The following AGBL3 variants were observed in gnomAD, a reference collection of about 807,000 sequenced individuals.
AGBL3 encodes AGBL carboxypeptidase 3.
Under a neutral mutation model 94.5 loss-of-function variants are expected in AGBL3, and 68 were observed. The ratio of observed to expected loss-of-function variants is 0.72; its 90% CI spans 0.59 to 0.88. The LOEUF (loss-of-function observed/expected upper bound fraction) is 0.88, where lower values mean the gene tolerates loss of function less well. Among genes scored for constraint, AGBL3 ranks in the 40% least tolerant of loss-of-function variants. The pLI is 0.00. For synonymous variants in AGBL3, 354 were observed against 370.7 expected (o/e 0.95, Z 0.52); for missense variants, 934 against 1,103.8 (o/e 0.85, Z 2.18).
intron 5 of AGBL3, among the ~76,000 whole-genome samples, chr7:135,026,014 G>T (rs1815051955): frequency 6.6e-6 from 1 of 151,476 alleles, no homozygotes; most frequent in Admixed American, 6.6e-5. Context: ...AGATGATTGA[G>T]ACAGAAAGCT....
rs548026172 is a variant in AGBL3, at chr7:135,034,177, C to G, written c.586C>G (p.Arg196Gly). The G allele has an allele frequency of 1.7e-5, 26 of 1,550,074 alleles. 1 individual carries two copies. The South Asian group carries it at 2.9e-4, about 17-fold the overall frequency. Reference sequence around the variant, plus strand: ...AGAATACGAATACCAATTGACTGTACGCCCTGACCTCTTCACAAATAAACA... The same window carrying G: ...AGAATACGAATACCAATTGACTGTAGGCCCTGACCTCTTCACAAATAAACA... Reference protein sequence around the residue: ...VAEYEYQLTVRPDLFTNKHTQ... With the variant: ...VAEYEYQLTVGPDLFTNKHTQ... The change falls in exon 7 of 17, where the codon CGC becomes GGC. Residue 196 changes from arginine to glycine, a missense_variant. Arg to Gly is a moderately radical substitution (Grantham distance 125). Transcript: ENST00000436302.
intron 4 of AGBL3, among the ~76,000 whole-genome samples, chr7:134,999,488 C>T (rs1811442687): frequency 6.6e-6 from 1 of 152,230 alleles, no homozygotes; most frequent in Non-Finnish European, 1.5e-5. Context: ...CTACACCTCT[C>T]CCATTTCCAT....
intron 16 of AGBL3, among the ~76,000 whole-genome samples, chr7:135,133,800 G>A (rs952716163): frequency 6.6e-6 from 1 of 152,026 alleles, no homozygotes; most frequent in African/African-American, 2.4e-5. Flanking sequence ...CTATTTATAA[G>A]AGCCATAAAC....
At chr7:135,023,943 C>T (rs1382322607) in intron 5 of AGBL3, among the ~76,000 whole-genome samples, 1 of 152,238 alleles carries the variant, frequency 6.6e-6, no homozygotes, top group African/African-American at 2.4e-5. Context: ...GATGGAGGCA[C>T]AGGCCAGTTA....
intron 3 of AGBL3, among the ~76,000 whole-genome samples, chr7:134,990,360 G>A (rs1810079782): frequency 6.6e-6 from 1 of 152,096 alleles, no homozygotes; most frequent in Admixed American, 6.5e-5. Context: ...CATACATTTT[G>A]TGTTTTCTGT....
intron 13 of AGBL3, among the ~76,000 whole-genome samples, chr7:135,078,514 TA>T (rs1358810802): frequency 6.7e-6 from 1 of 150,326 alleles, no homozygotes; most frequent in Non-Finnish European, 1.5e-5. Context: ...GATTTTTTTT[TA>T]ATGTATATAT....
intron 12 of AGBL3, among the ~76,000 whole-genome samples, chr7:135,061,203 T>C (rs1818812909): frequency 6.6e-6 from 1 of 152,156 alleles, no homozygotes; most frequent in Non-Finnish European, 1.5e-5. Flanking sequence ...TTTTGACAAG[T>C]ATCTATTCAG....
At chr7:135,097,150 T>C (rs1307697896) in intron 15 of AGBL3, among the ~76,000 whole-genome samples, 2 of 152,168 alleles carry the variant, frequency 1.3e-5, no homozygotes, top group Non-Finnish European at 2.9e-5. Context: ...GATTGCTTGA[T>C]GAAACAAAGT....
At chr7:135,003,661 T>A (rs1812009628) in intron 4 of AGBL3, among the ~76,000 whole-genome samples, 1 of 151,712 alleles carries the variant, frequency 6.6e-6, no homozygotes, top group Admixed American at 6.6e-5. Flanking sequence ...GTTTTAATTT[T>A]TTTTTTTCTG....
chr7:135,068,334 T>C (rs956809194), intron 12 of AGBL3, among the ~76,000 whole-genome samples: 1 of 152,002 alleles, frequency 6.6e-6, no homozygotes, highest in Non-Finnish European at 1.5e-5. Flanking sequence ...CAGGAGAACT[T>C]CCCCAATCTA....
intron 11 of AGBL3, among the ~76,000 whole-genome samples, chr7:135,058,949 G>T (rs1181252414): frequency 9.9e-5 from 15 of 152,092 alleles, no homozygotes; most frequent in Non-Finnish European, 1.5e-5. Flanking sequence ...CAGAGACAGG[G>T]TTTCACCATG....
At chr7:135,121,201 G>A (rs1413195844) in intron 16 of AGBL3, among the ~76,000 whole-genome samples, 6 of 152,050 alleles carry the variant, frequency 3.9e-5, no homozygotes, top group Non-Finnish European at 5.9e-5. Context: ...ACAAAACTCC[G>A]TCTCAAAAAA....
At position 135,009,581 on chromosome 7, in the gene AGBL3, A is replaced by G. The variant is rs186139576; in HGVS notation, c.311-7471A>G. ...TATAGATTAAGTATTTTGTTCCATA[A>G]AGGGAGATGCATAGATGGGTCTGGG... On this transcript the variant is annotated intron_variant, in intron 4 of 16. Transcript: ENST00000436302. 1.7e-4 allele frequency among the ~76,000 whole-genome samples: 26 copies of G among 152,238 alleles called. No individual in the cohort carries two copies. The East Asian group carries it at 3.9e-3, about 23-fold the overall frequency.
At chr7:134,999,217 A>C (rs947233274) in intron 4 of AGBL3, among the ~76,000 whole-genome samples, 1 of 152,128 alleles carries the variant, frequency 6.6e-6, no homozygotes, top group African/African-American at 2.4e-5. Flanking sequence ...CAGTATTCTA[A>C]GCATTTTGTA....
At chr7:135,055,140 G>A (rs779414620) in intron 11 of AGBL3, among the ~76,000 whole-genome samples, 6 of 152,104 alleles carry the variant, frequency 3.9e-5, no homozygotes, top group Admixed American at 6.5e-5. Context: ...GTGAGAACCC[G>A]GTCATTCATA....
Position 135,120,824 on chromosome 7 carries a change from A to C in AGBL3, c.2342+5213A>C, listed in dbSNP as rs143252747. On this transcript the variant is annotated intron_variant, in intron 16 of 16. Coordinates refer to ENST00000436302, the MANE Select transcript of AGBL3 (RefSeq NM_178563.4). ...TATTAGGTAAAGTAGATTTTAGAGG[A>C]AAGAAAATTATCAAAGAGGGGCATT... Among the ~76,000 whole-genome samples, 230 of 152,346 alleles carry C rather than the reference A, an allele frequency of 1.5e-3. 1 individual carries two copies. Among genetic ancestry groups the C allele is most frequent in the Middle Eastern group, 3.4e-3 (1 of 294 alleles).
intron 5 of AGBL3, among the ~76,000 whole-genome samples, chr7:135,020,881 G>A: frequency 6.7e-6 from 1 of 148,700 alleles, no homozygotes; most frequent in African/African-American, 2.5e-5. Context: ...GACACAGGAA[G>A]GGGAACATCA....
In AGBL3 at chr7:135,032,791, C is replaced by T. The variant is rs913466481; in HGVS notation, c.419-53C>T. The T allele has an allele frequency of 2.0e-6, 3 of 1,478,174 alleles. No homozygotes were observed. The East Asian group carries it at 7.6e-5, about 38-fold the overall frequency. 91.6% of individuals were successfully genotyped at this position (1,478,174 alleles called of 1,614,324 possible). On this transcript the variant is annotated intron_variant, in intron 5 of 16. Coordinates refer to ENST00000436302, the MANE Select transcript of AGBL3 (RefSeq NM_178563.4). ...TTGCTCCAAACTCTGTGCAGAATAA[C>T]CTTCTTACTTTAGGTATACCTTGAC... is the stretch of plus-strand genomic sequence containing the variant.
chr7:134,994,614 TACAC>T (rs1810748317), intron 4 of AGBL3, among the ~76,000 whole-genome samples: 1 of 152,288 alleles, frequency 6.6e-6, no homozygotes, highest in Admixed American at 6.5e-5. Flanking sequence ...AAAAAAAAAT[TACAC>T]ATACATACTT....
Sources: allele counts gnomAD v4.1 joint callset (sites outside exome capture counted in the v4.1 genomes callset), GRCh38; gene constraint gnomAD v4.1.1; transcripts MANE v1.5; gene names NCBI Gene and HGNC (gene_info 2026-07-23, HGNC 2026-07-21).